Variants in BBS9 observed in about 807,000 individuals in gnomAD.
BBS9 encodes the protein Bardet-Biedl syndrome 9, also known as protein PTHB1.
A neutral mutation model predicts 117.7 loss-of-function variants in BBS9; 89 were observed. That is an observed-to-expected ratio of 0.76 (90% confidence interval 0.64 to 0.90). The LOEUF (loss-of-function observed/expected upper bound fraction) is 0.90, where lower values mean the gene tolerates loss of function less well. Among genes scored for constraint, BBS9 ranks in the 40% least tolerant of loss-of-function variants. The probability of loss-of-function intolerance (pLI) is 0.00; values close to 1 mark genes in which losing one functional copy is unlikely to be tolerated. For missense variants in BBS9, 982 were observed against 1,042.2 expected, an observed-to-expected ratio of 0.94 and a Z score of 0.80; for synonymous variants, 379 against 370.9, an observed-to-expected ratio of 1.02 and a Z score of -0.25.
intron 1 of BBS9, among the ~76,000 whole-genome samples, chr7:33,137,802 G>T (rs963408420): frequency 2.0e-5 from 3 of 152,140 alleles, no homozygotes. Flanking sequence ...GTCTACAATG[G>T]TGCATGATAA....
At chr7:33,386,149 AAAG>A (rs1299834984) in intron 18 of BBS9, among the ~76,000 whole-genome samples, 3 of 152,198 alleles carry the variant, frequency 2.0e-5, no homozygotes, top group Admixed American at 2.0e-4. Context: ...AAAAAAATAA[AAAG>A]AAGAAAATGT....
chr7:33,149,319 A>C (rs956558936), intron 2 of BBS9, among the ~76,000 whole-genome samples: 4 of 152,206 alleles, frequency 2.6e-5, no homozygotes, highest in Non-Finnish European at 5.9e-5. Context: ...AGAAATTTGC[A>C]GGTCAAGTTG....
chr7:33,440,075 T>G (rs550195510), intron 19 of BBS9, among the ~76,000 whole-genome samples: 1 of 152,192 alleles, frequency 6.6e-6, no homozygotes, highest in Admixed American at 6.5e-5. Context: ...ACGTTAGGGC[T>G]GGCGGTTTTC....
intron 5 of BBS9, among the ~76,000 whole-genome samples, chr7:33,184,699 C>T (rs547899409): frequency 6.6e-6 from 1 of 152,254 alleles, no homozygotes; most frequent in East Asian, 1.9e-4. Flanking sequence ...ATCGTTCTTT[C>T]ATGGTTCACC....
intron 5 of BBS9, among the ~76,000 whole-genome samples, chr7:33,190,733 C>G (rs1487364800): frequency 1.3e-5 from 2 of 152,130 alleles, no homozygotes; most frequent in African/African-American, 4.8e-5. Context: ...AGTCTGTTTC[C>G]AACTCACAGG....
chr7:33,323,258 T>C (rs1812107863), intron 9 of BBS9, among the ~76,000 whole-genome samples: 1 of 152,160 alleles, frequency 6.6e-6, no homozygotes, highest in Non-Finnish European at 1.5e-5. Flanking sequence ...ATTTGGTTTG[T>C]AATGCTGGTT....
At chr7:33,505,410 G>C in intron 19 of BBS9, 53 bp from the exon 20 acceptor site, 1 of 1,573,874 alleles carries the variant, frequency 6.4e-7, no homozygotes, top group Non-Finnish European at 8.7e-7. Flanking sequence ...ATAATTTGTT[G>C]AGGGCTCAAT....
intron 17 of BBS9, among the ~76,000 whole-genome samples, chr7:33,379,695 T>C (rs1358573377): frequency 1.3e-5 from 2 of 152,196 alleles, no homozygotes; most frequent in Admixed American, 6.5e-5. Flanking sequence ...AAGAAATTTA[T>C]GATATCTCTG....
chr7:33,406,265 T>C (rs1265999595), intron 19 of BBS9, among the ~76,000 whole-genome samples: 1 of 152,188 alleles, frequency 6.6e-6, no homozygotes, highest in East Asian at 1.9e-4. Context: ...CTTCCAAGTA[T>C]GTGGTCAATT....
intron 5 of BBS9, among the ~76,000 whole-genome samples, chr7:33,184,121 G>GAGAGAT (rs1798469855): frequency 6.6e-6 from 1 of 151,302 alleles, no homozygotes; most frequent in South Asian, 2.1e-4. Flanking sequence ...GAGAGAGAGA[G>GAGAGAT]TGAGAGAAGA....
At chr7:33,380,698 A>G (rs1169215524) in intron 17 of BBS9, 1 of 152,346 alleles carries the variant, frequency 6.6e-6, no homozygotes, top group Non-Finnish European at 1.5e-5. Flanking sequence ...TGGCTTTGTG[A>G]CTTTGCGAGC....
At chr7:33,561,878 C>T (rs1019681326) in intron 21 of BBS9, among the ~76,000 whole-genome samples, 1 of 152,066 alleles carries the variant, frequency 6.6e-6, no homozygotes, top group African/African-American at 2.4e-5. Context: ...CAGTATTTTC[C>T]ACTGATGGCT....
At chr7:33,223,822 AT>A (rs1395143124) in intron 5 of BBS9, among the ~76,000 whole-genome samples, 1 of 152,090 alleles carries the variant, frequency 6.6e-6, no homozygotes, top group Non-Finnish European at 1.5e-5. Flanking sequence ...TATTTATTAT[AT>A]TTGGGTCTAT....
chr7:33,322,876 G>A (rs1288341351), intron 9 of BBS9, among the ~76,000 whole-genome samples: 1 of 151,978 alleles, frequency 6.6e-6, no homozygotes, highest in Non-Finnish European at 1.5e-5. Context: ...GCTTATAGCA[G>A]TAAAGTTCCC....
intron 21 of BBS9, among the ~76,000 whole-genome samples, chr7:33,567,012 G>C (rs1857024442): frequency 6.6e-6 from 1 of 152,172 alleles, no homozygotes; most frequent in African/African-American, 2.4e-5. Context: ...CCAATAAAAG[G>C]AAAGGGAGAT....
chr7:33,212,394 G>A (rs1394477987), intron 5 of BBS9, among the ~76,000 whole-genome samples: 3 of 152,074 alleles, frequency 2.0e-5, no homozygotes, highest in Admixed American at 2.0e-4. Context: ...TTCAACTCCA[G>A]AATTTCTGCT....
intron 10 of BBS9, among the ~76,000 whole-genome samples, chr7:33,339,954 A>G (rs1018052750): frequency 6.6e-6 from 1 of 151,754 alleles, no homozygotes; most frequent in African/African-American, 2.4e-5. Context: ...TTAAGTAGGT[A>G]GCCAATAGTT....
At chr7:33,415,153 T>C (rs1316569262) in intron 19 of BBS9, among the ~76,000 whole-genome samples, 1 of 152,098 alleles carries the variant, frequency 6.6e-6, no homozygotes, top group Non-Finnish European at 1.5e-5. Context: ...GGATGCAAAG[T>C]CTATGGCAAA....
At chr7:33,320,714 A>G (rs543395002) in intron 9 of BBS9, among the ~76,000 whole-genome samples, 2 of 152,246 alleles carry the variant, frequency 1.3e-5, no homozygotes, top group East Asian at 1.9e-4. Flanking sequence ...ACAACAATGT[A>G]TGAGTGTTCC....
Sources: allele counts gnomAD v4.1 joint callset (sites outside exome capture counted in the v4.1 genomes callset), GRCh38; gene constraint gnomAD v4.1.1; transcripts MANE v1.5; gene names NCBI Gene and HGNC (gene_info 2026-07-23, HGNC 2026-07-21).